SIPA1L1: variants seen among roughly 807,000 people sequenced by gnomAD.
SIPA1L1 encodes signal-induced proliferation-associated 1-like protein 1.
Under a neutral mutation model 162.7 loss-of-function variants are expected in SIPA1L1, and 26 were observed. That is an observed-to-expected ratio of 0.16 (90% CI 0.12 to 0.22). The LOEUF is 0.22. Among genes scored for constraint, SIPA1L1 ranks in the 10% least tolerant of loss-of-function variants. The pLI is 1.00. For synonymous variants in SIPA1L1, 829 were observed against 837.4 expected (o/e 0.99, Z 0.17); for missense variants, 1,874 against 2,241.0 (o/e 0.84, Z 3.31).
chr14:71,412,004 G>A (rs930980557), intron 2 of SIPA1L1, among the ~76,000 whole-genome samples: 2 of 152,302 alleles, frequency 1.3e-5, no homozygotes, highest in Admixed American at 1.3e-4. Flanking sequence ...GATTACTACT[G>A]CAGATCAGCT....
intron 2 of SIPA1L1, among the ~76,000 whole-genome samples, chr14:71,399,252 G>A (rs1195774311): frequency 6.6e-6 from 1 of 152,188 alleles, no homozygotes; most frequent in Non-Finnish European, 1.5e-5. Flanking sequence ...AGGGAAGAGG[G>A]AGGCAGTTGA....
At chr14:71,576,665 T>C (rs1427591607) in intron 4 of SIPA1L1, 1 of 152,224 alleles carries the variant, frequency 6.6e-6, no homozygotes, top group East Asian at 1.9e-4. Flanking sequence ...TAGAGCTTTA[T>C]GAAGAGGGCA....
At chr14:71,366,468 G>A (rs898578484) in intron 2 of SIPA1L1, among the ~76,000 whole-genome samples, 3 of 152,098 alleles carry the variant, frequency 2.0e-5, no homozygotes, top group Non-Finnish European at 4.4e-5. Context: ...GATGGAGCTC[G>A]CTCTGACGCC....
At chr14:71,652,087 A>G (rs1041827980) in intron 8 of SIPA1L1, among the ~76,000 whole-genome samples, 1 of 151,990 alleles carries the variant, frequency 6.6e-6, no homozygotes, top group Admixed American at 6.5e-5. Context: ...CTGTCCTTTT[A>G]AAATGTCGCA....
At chr14:71,686,772 A>G (rs2080897544) in intron 13 of SIPA1L1, among the ~76,000 whole-genome samples, 1 of 152,146 alleles carries the variant, frequency 6.6e-6, no homozygotes. Flanking sequence ...TGCCTTAATC[A>G]CATCTCAGAA....
At chr14:71,670,886 A>AT (rs1374783656) in intron 10 of SIPA1L1, among the ~76,000 whole-genome samples, 4 of 151,692 alleles carry the variant, frequency 2.6e-5, no homozygotes, top group Non-Finnish European at 5.9e-5. Context: ...AGCTTTTGGG[A>AT]TTTTGGGAGG....
chr14:71,544,283 GTA>G (rs969034798), intron 4 of SIPA1L1, among the ~76,000 whole-genome samples: 2 of 106,314 alleles, frequency 1.9e-5, no homozygotes, highest in African/African-American at 5.4e-5. Flanking sequence ...ATACATATGT[GTA>G]TATACATATA....
chr14:71,558,068 T>G (rs1313691816), intron 4 of SIPA1L1, among the ~76,000 whole-genome samples: 5 of 152,188 alleles, frequency 3.3e-5, no homozygotes, highest in Non-Finnish European at 7.4e-5. Context: ...AATATTTTAT[T>G]GAATTTAAAG....
intron 4 of SIPA1L1, among the ~76,000 whole-genome samples, chr14:71,530,306 T>A (rs2053301352): frequency 6.6e-6 from 1 of 152,140 alleles, no homozygotes; most frequent in Non-Finnish European, 1.5e-5. Context: ...TTCAAAGACA[T>A]GAGAATAAAA....
chr14:71,523,390 A>T (rs560062950), intron 3 of SIPA1L1, among the ~76,000 whole-genome samples: 6 of 146,210 alleles, frequency 4.1e-5, no homozygotes, highest in African/African-American at 1.5e-4. Flanking sequence ...CTCAGAGTTT[A>T]AAAAAAAAAA....
chr14:71,630,433 G>A (rs1479195010), intron 7 of SIPA1L1, among the ~76,000 whole-genome samples: 2 of 152,154 alleles, frequency 1.3e-5, no homozygotes, highest in African/African-American at 2.4e-5. Context: ...GAAGACATGC[G>A]GCTGTGGTAG....
chr14:71,661,918 G>A (rs1596734791), intron 10 of SIPA1L1, among the ~76,000 whole-genome samples: 1 of 152,134 alleles, frequency 6.6e-6, no homozygotes, highest in African/African-American at 2.4e-5. Flanking sequence ...GCTTAGAAAC[G>A]CTTCTATACT....
chr14:71,573,464 GT>G (rs1014582715), intron 4 of SIPA1L1: 24 of 435,750 alleles, frequency 5.5e-5, no homozygotes, highest in Admixed American at 1.0e-4. Context: ...AGTGTGTCCT[GT>G]TTGATTGTCT....
At chr14:71,527,952 A>G (rs924472214) in intron 3 of SIPA1L1, among the ~76,000 whole-genome samples, 8 of 152,188 alleles carry the variant, frequency 5.3e-5, no homozygotes, top group African/African-American at 1.9e-4. Context: ...CAGCAGCACA[A>G]TCTCAGCTCA....
rs2051176796 is a variant in SIPA1L1, at chr14:71,511,812, T to C, written c.-464-931T>C. Among the ~76,000 whole-genome samples, 3 of 152,284 alleles carry C rather than the reference T, an allele frequency of 2.0e-5. No homozygotes were observed. In the South Asian group the frequency reaches 6.2e-4, roughly 32 times the overall value. ...TTTCCATCCCATCCCGTTAGCTCCA[T>C]GGAGGAAAGATGGGCCGGAGGTTTA... On this transcript the variant is annotated intron_variant, in intron 2 of 23. Transcript: ENST00000381232.
chr14:71,669,850 T>A (rs1019991231), intron 10 of SIPA1L1, among the ~76,000 whole-genome samples: 1 of 152,210 alleles, frequency 6.6e-6, no homozygotes, highest in African/African-American at 2.4e-5. Context: ...ACCAGAAATA[T>A]AATTTGCCTC....
At chr14:71,404,651 C>G (rs1055794661) in intron 2 of SIPA1L1, among the ~76,000 whole-genome samples, 6 of 152,186 alleles carry the variant, frequency 3.9e-5, no homozygotes, top group African/African-American at 9.7e-5. Context: ...CTAGGACCAG[C>G]CTAACAGTAG....
chr14:71,483,350 C>G (rs1246172217), intron 2 of SIPA1L1, among the ~76,000 whole-genome samples: 1 of 152,118 alleles, frequency 6.6e-6, no homozygotes, highest in East Asian at 1.9e-4. Context: ...GCACTTTGCT[C>G]TTTGTGCGCA....
chr14:71,350,598 GA>G (rs139195189), intron 2 of SIPA1L1, among the ~76,000 whole-genome samples: 22 of 152,086 alleles, frequency 1.4e-4, no homozygotes, highest in African/African-American at 5.1e-4. Flanking sequence ...GATTTGCATT[GA>G]AAAAGTTTGC....
Sources: gnomAD v4.1 joint callset for allele counts (sites outside exome capture counted in the v4.1 genomes callset) on GRCh38, gnomAD v4.1.1 for gene constraint, MANE v1.5 for transcripts, NCBI Gene and HGNC (gene_info 2026-07-23, HGNC 2026-07-21) for gene names.